The following KDM3A variants were observed in gnomAD, a reference collection of about 807,000 sequenced individuals.
KDM3A encodes lysine demethylase 3A.
Under a neutral mutation model 158.0 loss-of-function variants are expected in KDM3A, and 60 were observed. The observed-to-expected ratio is 0.38, with a 90% CI of 0.31 to 0.47. The LOEUF is 0.47. Ranked by LOEUF, KDM3A falls within the 20% of genes least tolerant of loss-of-function variation. KDM3A has a pLI of 0.99. For synonymous variants in KDM3A, 608 were observed against 549.3 expected, an observed-to-expected ratio of 1.11 and a Z score of -1.49; for missense variants, 1,319 against 1,574.3, an observed-to-expected ratio of 0.84 and a Z score of 2.74.
At chr2:86,478,127 C>G (rs1673747010) in intron 13 of KDM3A, 43 bp from the exon 14 acceptor site, 1 of 1,607,814 alleles carries the variant, frequency 6.2e-7, no homozygotes. Flanking sequence ...CATGTGGAGA[C>G]AGAGTCTGTA....
chr2:86,449,685 A>C (rs1261192582), intron 2 of KDM3A, 122 bp from the exon 3 acceptor site: 1 of 1,067,954 alleles, frequency 9.4e-7, no homozygotes, highest in African/African-American at 1.6e-5. Context: ...TGGAAGGGGG[A>C]AAGCACATCC....
At chr2:86,482,923 G>A in intron 18 of KDM3A, 1 of 517,308 alleles carries the variant, frequency 1.9e-6, no homozygotes, top group South Asian at 2.4e-5. Context: ...CTTCCTACCA[G>A]TCCCTGTTGG....
intron 12 of KDM3A, among the ~76,000 whole-genome samples, chr2:86,476,749 C>T (rs1238964349): frequency 6.6e-6 from 1 of 152,156 alleles, no homozygotes; most frequent in Non-Finnish European, 1.5e-5. Context: ...ATGAATTGTG[C>T]CCTGTGCAAT....
chr2:86,487,985 C>G (rs1161838202), intron 21 of KDM3A: 2 of 121,030 alleles, frequency 1.7e-5, no homozygotes, highest in Non-Finnish European at 4.1e-5. Context: ...CTTTTCTTGC[C>G]AGCTCCATCC....
In KDM3A at chr2:86,492,433, AGATT is replaced by A. The variant is rs1336390203; in HGVS notation, c.*316_*319del. On this transcript the variant is annotated 3_prime_UTR_variant, in exon 26 of 26. Transcript: ENST00000312912. ...TATTCTTCAGCTGTTTGGACAACTT[AGATT>A]GGGTTTATAACTATTAGGAATCACT... The A allele has an allele frequency of 3.7e-6, 1 of 272,242 alleles. No individual in the cohort carries two copies. Among genetic ancestry groups the A allele is most frequent in the Non-Finnish European group, 7.0e-6 (1 of 142,384 alleles). 16.9% of individuals were successfully genotyped at this position (272,242 alleles called of 1,614,324 possible).
At chr2:86,472,860 C>T (rs1346523016) in intron 11 of KDM3A, among the ~76,000 whole-genome samples, 1 of 152,104 alleles carries the variant, frequency 6.6e-6, no homozygotes, top group African/African-American at 2.4e-5. Flanking sequence ...AGTCTATTGC[C>T]ACCCTGTTCA....
In KDM3A at chr2:86,482,474, AG is replaced by A; in HGVS notation, c.2703del (p.Asn902IlefsTer29). The A allele has an allele frequency of 6.2e-7, 1 of 1,614,048 alleles. No individual in the cohort carries two copies. The highest frequency in any genetic ancestry group is 8.5e-7 in the Non-Finnish European group (1 of 1,179,994). On this transcript the variant is annotated frameshift_variant, in exon 18 of 26. Transcript: ENST00000312912. LOFTEE classifies it high-confidence loss of function. Reference sequence around the variant, plus strand: ...CCAATTCAGACAGAAAATGGACTCAAGAATACACCAAAAATCCTTGATGACA... The same window carrying A: ...CCAATTCAGACAGAAAATGGACTCAAAATACACCAAAAATCCTTGATGACA... ...SSTGKTENGLKNTPKILDDIF... is the reference protein window; with the variant it reads ...SSTGKTENGLXNTPKILDDIF...
At chr2:86,453,164 C>G (rs1212994946) in intron 4 of KDM3A, among the ~76,000 whole-genome samples, 1 of 151,912 alleles carries the variant, frequency 6.6e-6, no homozygotes, top group Non-Finnish European at 1.5e-5. Flanking sequence ...TATATTTGTT[C>G]TCGGGAAGAG....
In KDM3A at chr2:86,453,364, G is replaced by A. The variant is rs78533484; in HGVS notation, c.454-1721G>A. Among the ~76,000 whole-genome samples the A allele has an allele frequency of 5.8e-3, 887 of 152,220 alleles. 8 individuals are homozygous for A. Among genetic ancestry groups the A allele is most frequent in the African/African-American group, 0.02 (847 of 41,546 alleles). ...TACGAAATTCCACGTTGGGGGATGT[G>A]ATTACCCCAGTAGGATACTTGCTCT... On this transcript the variant is annotated intron_variant, in intron 4 of 25. Coordinates refer to ENST00000312912, the MANE Select transcript of KDM3A (RefSeq NM_018433.6).
chr2:86,441,890 C>G, intron 1 of KDM3A, 128 bp from the exon 2 acceptor site: 1 of 497,256 alleles, frequency 2.0e-6, no homozygotes, highest in Non-Finnish European at 3.2e-6. Context: ...GAGGGGGGCT[C>G]GGTGCGGGTC....
At chr2:86,479,500 A>G (rs1263374247) in intron 15 of KDM3A, 1 of 152,214 alleles carries the variant, frequency 6.6e-6, no homozygotes. Context: ...AGTAATATAG[A>G]AATAAGAAGC....
chr2:86,459,036 C>G (rs1300497690), intron 8 of KDM3A, among the ~76,000 whole-genome samples: 1 of 152,060 alleles, frequency 6.6e-6, no homozygotes, highest in Non-Finnish European at 1.5e-5. Context: ...ACTGAAGAAG[C>G]ACAGGAATCT....
chr2:86,460,418 G>A (rs1235398379), intron 8 of KDM3A, among the ~76,000 whole-genome samples: 1 of 152,184 alleles, frequency 6.6e-6, no homozygotes, highest in Non-Finnish European at 1.5e-5. Context: ...AGTGGGGAAA[G>A]AAAGTTTTTG....
chr2:86,480,338 G>A lies in KDM3A; in HGVS notation c.2488G>A (p.Gly830Arg), dbSNP rs758694616. 63 of 1,612,800 alleles carry A rather than the reference G, an allele frequency of 3.9e-5. No homozygotes were observed. In the Middle Eastern group the frequency reaches 6.6e-4, roughly 17 times the overall value. Reference sequence around the variant, plus strand: ...AAACTGGCTGGCCGACCTAACCAGCGGGAATGTCAACAAGGAAAACAAGGG... The same window carrying A: ...AAACTGGCTGGCCGACCTAACCAGCAGGAATGTCAACAAGGAAAACAAGGG... ...PLNWLADLTS[G>R]NVNKENKEKQ... The change falls in exon 16 of 26, where the codon GGG becomes AGG. Residue 830 changes from glycine (G) to arginine (R), a missense_variant. This residue lies in a region of KDM3A where 368 missense variants were observed against 415.8 expected (regional missense o/e 0.89). Coordinates refer to ENST00000312912, the MANE Select transcript of KDM3A (RefSeq NM_018433.6).
intron 18 of KDM3A, chr2:86,483,086 T>G: frequency 5.0e-6 from 1 of 200,490 alleles, no homozygotes; most frequent in Middle Eastern, 2.0e-3. Context: ...AAGCCTGTGC[T>G]GAAGGCAGTT....
chr2:86,460,613 A>G (rs1040919526), intron 8 of KDM3A, among the ~76,000 whole-genome samples: 1 of 152,330 alleles, frequency 6.6e-6, no homozygotes, highest in East Asian at 1.9e-4. Context: ...CCTGTTTGCC[A>G]GTGATACCTG....
chr2:86,477,298 T>G (rs1361877015), intron 12 of KDM3A, among the ~76,000 whole-genome samples: 1 of 152,228 alleles, frequency 6.6e-6, no homozygotes, highest in Non-Finnish European at 1.5e-5. Flanking sequence ...GAAACTGATC[T>G]TGGACCATTG....
chr2:86,475,709 C>T (rs992039435), intron 12 of KDM3A, among the ~76,000 whole-genome samples: 1 of 152,130 alleles, frequency 6.6e-6, no homozygotes, highest in Admixed American at 6.5e-5. Flanking sequence ...TCTTGTAAGC[C>T]TCATATTTTC....
chr2:86,468,082 A>C (rs2104668296), intron 10 of KDM3A, among the ~76,000 whole-genome samples: 2 of 152,260 alleles, frequency 1.3e-5, no homozygotes, highest in South Asian at 4.1e-4. Context: ...TGGATCAGTA[A>C]AAATGAATAT....
Sources: allele counts gnomAD v4.1 joint callset (sites outside exome capture counted in the v4.1 genomes callset), GRCh38; gene constraint gnomAD v4.1.1; regional missense constraint gnomAD v4.1.1; transcripts MANE v1.5; gene names NCBI Gene and HGNC (gene_info 2026-07-23, HGNC 2026-07-21).